Variants in GRAMD2B observed in about 807,000 individuals in gnomAD.
GRAMD2B encodes the protein GRAM domain containing 2B.
A neutral mutation model predicts 59.2 loss-of-function variants in GRAMD2B; 41 were observed. The ratio of observed to expected loss-of-function variants is 0.69; its 90% CI spans 0.54 to 0.90. The LOEUF (loss-of-function observed/expected upper bound fraction) is 0.90. Ranked by LOEUF, GRAMD2B falls within the 40% of genes least tolerant of loss-of-function variation. GRAMD2B has a pLI of 0.00. For synonymous variants in GRAMD2B, 161 were observed against 182.7 expected, an observed-to-expected ratio of 0.88 and a Z score of 0.96; for missense variants, 424 against 500.5, an observed-to-expected ratio of 0.85 and a Z score of 1.46.
chr5:126,366,912 T>C (rs973622232), upstream of GRAMD2B, among the ~76,000 whole-genome samples: 4 of 143,128 alleles, frequency 2.8e-5, no homozygotes, highest in Non-Finnish European at 3.0e-5. Flanking sequence ...TGGAGTGCAG[T>C]GGCGCGATCT....
chr5:126,383,363 T>C (rs913489513), intron 1 of GRAMD2B, among the ~76,000 whole-genome samples: 11 of 152,226 alleles, frequency 7.2e-5, no homozygotes, highest in African/African-American at 2.2e-4. Flanking sequence ...CTTGTGTAAT[T>C]ATGTGGAAGA....
At chr5:126,490,707 C>A (rs1214434640) in intron 13 of GRAMD2B, among the ~76,000 whole-genome samples, 1 of 152,210 alleles carries the variant, frequency 6.6e-6, no homozygotes, top group African/African-American at 2.4e-5. Flanking sequence ...GCACAGCCTG[C>A]CGGTGAAATA....
At chr5:126,368,924 A>G (rs896099176), upstream of GRAMD2B, among the ~76,000 whole-genome samples, 1 of 152,206 alleles carries the variant, frequency 6.6e-6, no homozygotes, top group Non-Finnish European at 1.5e-5. Context: ...CTTCCAAAGC[A>G]TCGTGCATAT....
At chr5:126,423,048 G>C (rs1759916412), upstream of GRAMD2B, 2 of 474,094 alleles carry the variant, frequency 4.2e-6, no homozygotes, top group African/African-American at 4.2e-5. Flanking sequence ...CCTCAATGAA[G>C]CAATATCCTG....
intron 1 of GRAMD2B, among the ~76,000 whole-genome samples, chr5:126,399,523 G>A (rs544966334): frequency 6.6e-6 from 1 of 152,196 alleles, no homozygotes; most frequent in South Asian, 2.1e-4. Context: ...CACCATGTAA[G>A]ACATGTCTTC....
At chr5:126,409,126 T>C (rs559676397) in intron 1 of GRAMD2B, among the ~76,000 whole-genome samples, 1 of 152,120 alleles carries the variant, frequency 6.6e-6, no homozygotes, top group South Asian at 2.1e-4. Context: ...TCTTTGCTAT[T>C]GTGAATAGTG....
chr5:126,389,751 C>G (rs1561470320), intron 1 of GRAMD2B, among the ~76,000 whole-genome samples: 2 of 152,052 alleles, frequency 1.3e-5, no homozygotes, highest in Admixed American at 6.6e-5. Context: ...AGTTCAAGAC[C>G]AGCCTGGCCA....
At chr5:126,449,627 A>G (rs988006246) in intron 1 of GRAMD2B, among the ~76,000 whole-genome samples, 2 of 152,248 alleles carry the variant, frequency 1.3e-5, no homozygotes, top group Non-Finnish European at 2.9e-5. Context: ...TTTCACCAAT[A>G]TATAGATATA....
chr5:126,467,433 A>G (rs146917167), intron 2 of GRAMD2B: 83 of 152,248 alleles, frequency 5.5e-4, no homozygotes, highest in African/African-American at 1.8e-3. Flanking sequence ...TATTGTATAC[A>G]TACATACCCT....
intron 3 of GRAMD2B, among the ~76,000 whole-genome samples, chr5:126,470,503 G>GT (rs1561575835): frequency 6.6e-6 from 1 of 151,926 alleles, no homozygotes; most frequent in African/African-American, 2.4e-5. Context: ...TTATAAAGGT[G>GT]TTTTTTTCCT....
At chr5:126,417,572 A>G (rs1759366592) in intron 1 of GRAMD2B, among the ~76,000 whole-genome samples, 1 of 152,244 alleles carries the variant, frequency 6.6e-6, no homozygotes, top group Admixed American at 6.5e-5. Context: ...ACAAGTGACA[A>G]CCATTCAGCT....
chr5:126,439,517 G>T (rs947298315), intron 1 of GRAMD2B, among the ~76,000 whole-genome samples: 4 of 151,496 alleles, frequency 2.6e-5, no homozygotes, highest in African/African-American at 9.7e-5. Context: ...GTAGAGACAG[G>T]GTTTCACCAT....
chr5:126,370,180 C>G (rs908574035), upstream of GRAMD2B, among the ~76,000 whole-genome samples: 3 of 152,170 alleles, frequency 2.0e-5, no homozygotes, highest in Non-Finnish European at 4.4e-5. Flanking sequence ...ACCAAGAAAA[C>G]TCAGCAGGAA....
intron 1 of GRAMD2B, chr5:126,462,383 G>T (rs953301133): frequency 3.0e-6 from 3 of 984,398 alleles, no homozygotes; most frequent in African/African-American, 3.5e-5. Flanking sequence ...TCAAACACAC[G>T]CTAGCCTCTG....
intron 1 of GRAMD2B, among the ~76,000 whole-genome samples, chr5:126,389,920 C>A (rs1756571651): frequency 6.6e-6 from 1 of 152,058 alleles, no homozygotes; most frequent in Non-Finnish European, 1.5e-5. Context: ...TGCACTCCAA[C>A]CTGCGCAACA....
chr5:126,473,208 G>T, intron 4 of GRAMD2B, 57 bp from the exon 5 acceptor site: 1 of 625,354 alleles, frequency 1.6e-6, no homozygotes, highest in South Asian at 3.9e-5. Flanking sequence ...ATATATACAC[G>T]GTTTTTATTT....
At chr5:126,487,121 A>G in intron 12 of GRAMD2B, 144 bp downstream of exon 12, 2 of 595,180 alleles carry the variant, frequency 3.4e-6, no homozygotes, top group Non-Finnish European at 6.0e-6. Flanking sequence ...GTGGAAAGTA[A>G]AAAGGTAGGA....
chr5:126,360,250 T>C, exon 1 of GRAMD2B: 3 of 1,476,446 alleles, frequency 2.0e-6, no homozygotes, highest in Non-Finnish European at 2.8e-6. Flanking sequence ...CAAAGAGCTG[T>C]GGTTGGGCAG....
At chr5:126,450,163 G>A (rs767567083) in intron 1 of GRAMD2B, among the ~76,000 whole-genome samples, 1 of 152,074 alleles carries the variant, frequency 6.6e-6, no homozygotes, top group Non-Finnish European at 1.5e-5. Context: ...AGTGGTAAGA[G>A]GCAGCTCTTC....
Sources: allele counts gnomAD v4.1 joint callset (sites outside exome capture counted in the v4.1 genomes callset), GRCh38; gene constraint gnomAD v4.1.1; transcripts MANE v1.5; gene names NCBI Gene and HGNC (gene_info 2026-07-23, HGNC 2026-07-21).